Variants in PSPH observed in about 807,000 individuals in gnomAD.
The protein encoded by PSPH is L-3-phosphoserine phosphatase.
In PSPH, 16 loss-of-function variants were observed where a neutral mutation model predicts 23.4. The ratio of observed to expected loss-of-function variants is 0.68; its 90% confidence interval spans 0.46 to 1.04. The LOEUF (loss-of-function observed/expected upper bound fraction) is 1.04. Among genes scored for constraint, PSPH ranks in the 50% least tolerant of loss-of-function variants. The probability of loss-of-function intolerance (pLI) is 0.00; values close to 1 mark genes in which losing one functional copy is unlikely to be tolerated. For missense variants in PSPH, 223 were observed against 273.7 expected (o/e 0.81, Z 1.31); for synonymous variants, 68 against 99.7 (o/e 0.68, Z 1.89).
chr7:56,038,671 C>T (rs897855851), intron 1 of PSPH, among the ~76,000 whole-genome samples: 1 of 151,752 alleles, frequency 6.6e-6, no homozygotes, highest in Non-Finnish European at 1.5e-5. Flanking sequence ...CTAATCTGTA[C>T]AAAAAATAAA....
chr7:56,050,301 C>T (rs1319102526), intron 1 of PSPH, among the ~76,000 whole-genome samples: 2 of 151,484 alleles, frequency 1.3e-5, no homozygotes, highest in Non-Finnish European at 2.9e-5. Flanking sequence ...GGGTCAGCTC[C>T]GTAGCCCAGG....
chr7:56,025,281 A>AC (rs1790033039), intron 3 of PSPH, among the ~76,000 whole-genome samples: 1 of 148,298 alleles, frequency 6.7e-6, no homozygotes, highest in African/African-American at 2.5e-5. Context: ...ACACACACAC[A>AC]TTTTTTTTTA....
chr7:56,039,082 G>A (rs768587502), intron 1 of PSPH, among the ~76,000 whole-genome samples: 9 of 151,368 alleles, frequency 5.9e-5, no homozygotes, highest in Non-Finnish European at 5.9e-5. Context: ...GGCGGAACCC[G>A]GGAGGCGGAG....
chr7:56,027,211 C>CAAAAAAAAAAAAA (rs11322718), intron 3 of PSPH, among the ~76,000 whole-genome samples: 1 of 115,432 alleles, frequency 8.7e-6, no homozygotes. Flanking sequence ...GTCTCAAAAA[C>CAAAAAAAAAAAAA]AAAAAAAAAA....
chr7:56,013,172 C>CACACACACAT (rs1788162792), intron 7 of PSPH, among the ~76,000 whole-genome samples: 1 of 144,682 alleles, frequency 6.9e-6, no homozygotes, highest in South Asian at 2.2e-4. Flanking sequence ...CACACACACA[C>CACACACACAT]ACACACACAC....
chr7:56,049,750 A>ATTT (rs547473374), intron 1 of PSPH, among the ~76,000 whole-genome samples: 2 of 146,446 alleles, frequency 1.4e-5, no homozygotes, highest in African/African-American at 5.1e-5. Context: ...TATTATTATT[A>ATTT]TTATTTTTTT....
chr7:56,019,420 C>A (rs1485915180), intron 5 of PSPH, among the ~76,000 whole-genome samples, 180 bp downstream of exon 5: 1 of 139,548 alleles, frequency 7.2e-6, no homozygotes, highest in Non-Finnish European at 1.5e-5. Context: ...GCCTGAGTGA[C>A]AGAGTGAGAC....
chr7:56,032,566 A>AG (rs201514563), intron 2 of PSPH, among the ~76,000 whole-genome samples: 2 of 150,914 alleles, frequency 1.3e-5, no homozygotes, highest in African/African-American at 4.9e-5. Context: ...AGGCTGAGGC[A>AG]GGAGAATGGC....
intron 3 of PSPH, among the ~76,000 whole-genome samples, chr7:56,023,725 G>A (rs1789777456): frequency 6.6e-6 from 1 of 151,954 alleles, no homozygotes; most frequent in Admixed American, 6.6e-5. Flanking sequence ...CAGACTCAAA[G>A]CAGTTGAACA....
At chr7:56,015,799 T>A (rs1363677736) in intron 6 of PSPH, among the ~76,000 whole-genome samples, 1 of 151,940 alleles carries the variant, frequency 6.6e-6, no homozygotes, top group Non-Finnish European at 1.5e-5. Context: ...GCTGGGATTA[T>A]AGGCGCATGC....
intron 1 of PSPH, among the ~76,000 whole-genome samples, chr7:56,034,951 G>A (rs1316035062): frequency 2.0e-5 from 3 of 151,706 alleles, no homozygotes; most frequent in African/African-American, 7.3e-5. Flanking sequence ...TTCCCAGGCT[G>A]GGCTCAAACA....
intron 3 of PSPH, among the ~76,000 whole-genome samples, chr7:56,021,951 A>G (rs1205087382): frequency 1.4e-5 from 2 of 144,036 alleles, no homozygotes; most frequent in Non-Finnish European, 3.0e-5. Context: ...CTCCGTCTCA[A>G]AAAAAAAAAA....
At chr7:56,016,969 C>T (rs933220435) in intron 6 of PSPH, among the ~76,000 whole-genome samples, 4 of 152,096 alleles carry the variant, frequency 2.6e-5, no homozygotes, top group African/African-American at 9.7e-5. Flanking sequence ...TCATAGGGGG[C>T]TTCGTAGGAG....
intron 1 of PSPH, among the ~76,000 whole-genome samples, chr7:56,036,745 T>C (rs1451611313): frequency 1.3e-5 from 2 of 152,206 alleles, no homozygotes; most frequent in Admixed American, 6.6e-5. Context: ...ATTGTAGACA[T>C]TGTTTTGCTA....
At chr7:56,048,954 G>A (rs1481020117) in intron 1 of PSPH, among the ~76,000 whole-genome samples, 1 of 151,404 alleles carries the variant, frequency 6.6e-6, no homozygotes, top group African/African-American at 2.4e-5. Context: ...GAGTCTCACT[G>A]TGTCACCCAG....
At chr7:56,039,691 G>A (rs562570571) in intron 1 of PSPH, among the ~76,000 whole-genome samples, 17 of 147,206 alleles carry the variant, frequency 1.2e-4, no homozygotes, top group East Asian at 4.0e-4. Context: ...CAGGGAAATC[G>A]CTTGAACCCA....
intron 1 of PSPH, among the ~76,000 whole-genome samples, chr7:56,050,463 G>A (rs1010109967): frequency 6.6e-6 from 1 of 151,986 alleles, no homozygotes; most frequent in Non-Finnish European, 1.5e-5. Context: ...ATGGAGTCTC[G>A]CTATGTTACC....
At chr7:56,051,072 T>C (rs1319353919) in intron 1 of PSPH, 66 bp downstream of exon 1, 1 of 152,210 alleles carries the variant, frequency 6.6e-6, no homozygotes, top group Admixed American at 6.6e-5. Context: ...CACGTGTTAC[T>C]GAATCCCTGG....
At chr7:56,047,449 GA>G (rs1381771686) in intron 1 of PSPH, among the ~76,000 whole-genome samples, 6 of 151,412 alleles carry the variant, frequency 4.0e-5, no homozygotes, top group Non-Finnish European at 7.4e-5. Context: ...ATGAAAAACA[GA>G]ACAGTCACAT....
Sources: allele counts gnomAD v4.1 joint callset (sites outside exome capture counted in the v4.1 genomes callset), GRCh38; gene constraint gnomAD v4.1.1; transcripts MANE v1.5; gene names NCBI Gene and HGNC (gene_info 2026-07-23, HGNC 2026-07-21).